DHX8: variants seen among roughly 807,000 people sequenced by gnomAD.
DHX8 encodes the protein DEAH-box helicase 8.
A neutral mutation model predicts 140.7 loss-of-function variants in DHX8; 67 were observed. That is an observed-to-expected ratio of 0.48 (90% CI 0.39 to 0.58). The LOEUF (loss-of-function observed/expected upper bound fraction) is 0.58. Ranked by LOEUF, DHX8 falls within the 20% of genes least tolerant of loss-of-function variation. The pLI is 0.00. For missense variants in DHX8, 887 were observed against 1,550.7 expected, an observed-to-expected ratio of 0.57 and a Z score of 7.19; for synonymous variants, 533 against 553.2, an observed-to-expected ratio of 0.96 and a Z score of 0.51.
chr17:43,533,964 G>A, intron 2 of DHX8: 1 of 1,538,564 alleles, frequency 6.5e-7, no homozygotes, highest in South Asian at 1.3e-5. Context: ...CTTGATCCTG[G>A]TGGTGGGGCT....
intron 11 of DHX8, among the ~76,000 whole-genome samples, chr17:43,502,652 T>C (rs1339212923): frequency 6.6e-6 from 1 of 152,188 alleles, no homozygotes; most frequent in Non-Finnish European, 1.5e-5. Context: ...CTCGAACTTC[T>C]GACCTCAAAT....
intron 3 of DHX8, among the ~76,000 whole-genome samples, chr17:43,537,820 CTG>C (rs1971323237): frequency 6.6e-6 from 1 of 151,414 alleles, no homozygotes; most frequent in South Asian, 2.1e-4. Context: ...TGGTGAAATC[CTG>C]TCTCTACTAA....
chr17:43,519,517 T>A (rs946464511), intron 18 of DHX8: 2 of 3,242 alleles, frequency 6.2e-4, no homozygotes, highest in African/African-American at 1.2e-3. Flanking sequence ...GTGTTAGGGT[T>A]TTTTGTTTTT....
intron 18 of DHX8, chr17:43,519,925 A>C: frequency 3.9e-6 from 2 of 509,264 alleles, no homozygotes; most frequent in Non-Finnish European, 7.0e-6. Context: ...TGGGTGACAG[A>C]GTGAGACTCT....
intron 9 of DHX8, among the ~76,000 whole-genome samples, chr17:43,497,773 G>A (rs755674386): frequency 3.3e-5 from 5 of 151,988 alleles, no homozygotes; most frequent in African/African-American, 4.8e-5. Flanking sequence ...AAAATTACTG[G>A]GTAGTAAGAA....
chr17:43,526,517 G>A, downstream of DHX8: 1 of 1,535,662 alleles, frequency 6.5e-7, no homozygotes, highest in Non-Finnish European at 8.7e-7. Context: ...TCCTCCCTGT[G>A]GTTGCTGTAG....
intron 19 of DHX8, 98 bp from the exon 20 acceptor site, chr17:43,520,653 A>T (rs985991441): frequency 1.5e-5 from 22 of 1,450,990 alleles, no homozygotes; most frequent in Middle Eastern, 2.1e-4. Flanking sequence ...GCTTTGGGAA[A>T]ATCTGTGTTG....
intron 2 of DHX8, chr17:43,533,835 C>T: frequency 6.2e-7 from 1 of 1,605,848 alleles, no homozygotes; most frequent in Non-Finnish European, 8.5e-7. Flanking sequence ...TCCTACCCTT[C>T]ACCAGGTCCA....
Position 43,525,638 on chromosome 17 carries a change from T to A in DHX8, c.*1791T>A. ...GGCACCCACCTCCCCAATCTCGTTTTGTTTTTGTTTTTGTTAAGACAGGAT... is the reference window on the plus strand; with the variant it reads ...GGCACCCACCTCCCCAATCTCGTTTAGTTTTTGTTTTTGTTAAGACAGGAT... On this transcript the variant is annotated 3_prime_UTR_variant, in exon 23 of 23. Transcript: ENST00000262415. The A allele has an allele frequency of 3.0e-6, 3 of 985,432 alleles. No individual in the cohort carries two copies. The highest frequency in any genetic ancestry group is 3.6e-6 in the Non-Finnish European group (3 of 829,952). 61.0% of individuals were successfully genotyped at this position (985,432 alleles called of 1,614,324 possible).
At position 43,532,629 on chromosome 17, in the gene DHX8, TG is replaced by T. The variant is rs1283051057; in HGVS notation, c.351-3782del. Reference sequence around the variant, plus strand: ...ACTCGGGAGACATTCTGGGCTTAACTGAACACTTGATCACATGCCACCCTGC... The same window carrying T: ...ACTCGGGAGACATTCTGGGCTTAACTAACACTTGATCACATGCCACCCTGC... On this transcript the variant is annotated intron_variant, in intron 2 of 3. Transcript: ENST00000589898. The T allele has an allele frequency of 3.2e-6, 5 of 1,555,896 alleles. No individual in the cohort carries two copies. In the South Asian group the frequency reaches 5.9e-5, roughly 18 times the overall value.
At chr17:43,496,406 T>C in intron 9 of DHX8, 138 bp downstream of exon 9, 4 of 612,846 alleles carry the variant, frequency 6.5e-6, no homozygotes, top group Non-Finnish European at 1.2e-5. Flanking sequence ...AAAAAAAGGA[T>C]CTCACCATGA....
intron 8 of DHX8, 56 bp from the exon 9 acceptor site, chr17:43,496,125 A>G (rs1214864048): frequency 6.9e-7 from 1 of 1,444,474 alleles, no homozygotes; most frequent in Admixed American, 1.9e-5. Context: ...CCAAAAAACA[A>G]AAAAAAAGTT....
chr17:43,510,553 G>T (rs1567691072), intron 16 of DHX8, among the ~76,000 whole-genome samples: 1 of 152,130 alleles, frequency 6.6e-6, no homozygotes, highest in Admixed American at 6.5e-5. Flanking sequence ...CAGTGTAAAT[G>T]CTATATAAGC....
chr17:43,502,365 C>T (rs988491699), intron 11 of DHX8, among the ~76,000 whole-genome samples: 1 of 152,168 alleles, frequency 6.6e-6, no homozygotes, highest in South Asian at 2.1e-4. Context: ...CCAGTCTGGG[C>T]AACATAGTAA....
chr17:43,513,526 T>G (rs1969955582), intron 17 of DHX8, 24 bp downstream of exon 17: 1 of 1,610,446 alleles, frequency 6.2e-7, no homozygotes, highest in African/African-American at 1.3e-5. Context: ...TATCAACAGT[T>G]TTCCTGATAA....
Position 43,507,983 on chromosome 17 carries a change from A to G in DHX8, c.2284A>G (p.Ile762Val). The change falls in exon 15 of 23, where the codon ATT becomes GTT. Residue 762 changes from isoleucine (I) to valine (V), a missense_variant. Transcript: ENST00000262415. Reference sequence around the variant, plus strand: ...GACAGATTATCTGGATGCCAGCCTGATTACTGTTATGCAGATTCATTTAAC... The same window carrying G: ...GACAGATTATCTGGATGCCAGCCTGGTTACTGTTATGCAGATTCATTTAAC... ...PETDYLDASL[I>V]TVMQIHLTEP... 6.2e-7 allele frequency: 1 copy of G among 1,614,208 alleles called. No homozygotes were observed. Among genetic ancestry groups the G allele is most frequent in the Non-Finnish European group, 8.5e-7 (1 of 1,180,036 alleles).
chr17:43,500,053 A>G lies in DHX8; in HGVS notation c.1496A>G (p.Asp499Gly). Residue 499 changes from aspartate to glycine, a missense_variant, in exon 11 of 23, where the codon GAT (aspartate) becomes GGT (glycine). Physicochemically the swap from Asp to Gly is moderately conservative, Grantham distance 94. Transcript: ENST00000262415. ...LKQAQREAEM[D>G]SIPMGLNKHW... ...CAGGCCCAGCGGGAAGCTGAGATGG[A>G]TTCTATTCCCATGGGACTCAACAAA... 6.2e-7 allele frequency: 1 copy of G among 1,614,174 alleles called. No homozygotes were observed. The highest frequency in any genetic ancestry group is 8.5e-7 in the Non-Finnish European group (1 of 1,180,028).
chr17:43,524,296 T>C lies in DHX8; in HGVS notation c.*449T>C. 1 of 1,004,110 alleles carries C rather than the reference T, an allele frequency of 1.0e-6. No individual in the cohort carries two copies. Among genetic ancestry groups the C allele is most frequent in the Non-Finnish European group, 1.2e-6 (1 of 841,478 alleles). 62.2% of individuals were successfully genotyped at this position (1,004,110 alleles called of 1,614,324 possible). A position where few individuals can be genotyped will look rare whatever the true frequency, so the allele number is the denominator to read the frequency against. The stretch of plus-strand genomic sequence containing the variant: ...GTACTTTGGCTTGACCTCGTGGAAA[T>C]ATTTATTTTCTTAAGGAAACAAAAA... On this transcript the variant is annotated 3_prime_UTR_variant, in exon 23 of 23. Transcript: ENST00000262415.
rs1430769385 is a variant in DHX8, at chr17:43,507,940, G to A, written c.2241G>A (p.Leu747=). 3 of 1,614,134 alleles carry A rather than the reference G, an allele frequency of 1.9e-6. No homozygotes were observed. Among genetic ancestry groups the A allele is most frequent in the Non-Finnish European group, 2.5e-6 (3 of 1,180,020 alleles). The part of the protein sequence containing the change: ...IPGRTYPVEI[L]YTKEPETDYL... ...GTCGAACATATCCAGTGGAAATACT[G>A]TACACAAAGGAACCTGAGACAGATT... Residue 747 remains leucine, a synonymous_variant, in exon 15 of 23, where the codon CTG becomes CTA. Transcript: ENST00000262415.
Sources: gnomAD v4.1 joint callset for allele counts (sites outside exome capture counted in the v4.1 genomes callset) on GRCh38, gnomAD v4.1.1 for gene constraint, MANE v1.5 for transcripts, NCBI Gene and HGNC (gene_info 2026-07-23, HGNC 2026-07-21) for gene names.